Variants in ZNF207 observed in about 807,000 individuals in gnomAD.
ZNF207 encodes BUB3-interacting and GLEBS motif-containing protein ZNF207.
ZNF207 carries 24 observed loss-of-function variants against 60.2 expected under a neutral mutation model. The observed-to-expected ratio is 0.40, with a 90% confidence interval of 0.29 to 0.56. The LOEUF is 0.56. ZNF207 is among the 20% of genes least tolerant of loss of function. The pLI, the probability that ZNF207 is intolerant of heterozygous loss-of-function variation, is 0.49. For missense variants in ZNF207, 452 were observed against 636.6 expected (o/e 0.71, Z 3.12); for synonymous variants, 236 against 194.7 (o/e 1.21, Z -1.77).
At position 32,367,271 on chromosome 17, in the gene ZNF207, AT is replaced by A. The variant is rs1567824998; in HGVS notation, c.922-500del. Among the ~76,000 whole-genome samples the A allele has an allele frequency of 2.8e-3, 247 of 87,744 alleles. 6 individuals are homozygous for A. Among genetic ancestry groups the A allele is most frequent in the African/African-American group, 6.6e-3 (199 of 30,020 alleles). The allele number at this position is 87,744 out of a possible 152,430, so 57.6% of individuals were successfully genotyped here. A position where few individuals can be genotyped will look rare whatever the true frequency, so the allele number is the denominator to read the frequency against. On this transcript the variant is annotated intron_variant, in intron 9 of 11. Transcript: ENST00000394670. The stretch of plus-strand genomic sequence containing the variant: ...TATATATATATATATATATATATAT[AT>A]ATATATATATATAAAGAATACTACT...
At chr17:32,360,548 T>G in intron 3 of ZNF207, 50 bp from the exon 4 acceptor site, 1 of 1,511,072 alleles carries the variant, frequency 6.6e-7, no homozygotes, top group Non-Finnish European at 8.9e-7. Context: ...ATGTTGTAAA[T>G]AAACTTTCTT....
chr17:32,363,495 A>G (rs1419537509), intron 7 of ZNF207, among the ~76,000 whole-genome samples: 3 of 142,454 alleles, frequency 2.1e-5, no homozygotes, highest in South Asian at 4.4e-4. Flanking sequence ...TTTGTTAGGA[A>G]TGTTTTAGAC....
intron 7 of ZNF207, among the ~76,000 whole-genome samples, chr17:32,364,780 C>A (rs115297365): frequency 6.6e-6 from 1 of 152,252 alleles, no homozygotes; most frequent in African/African-American, 2.4e-5. Context: ...AATTGCCAGG[C>A]AGTTCCATAT....
rs1351941451 is a variant in ZNF207, at chr17:32,374,976, G to A, written c.*5217G>A. 6.6e-6 allele frequency: 1 copy of A among 152,174 alleles called. No individual in the cohort carries two copies. Among genetic ancestry groups the A allele is most frequent in the African/African-American group, 2.4e-5 (1 of 41,440 alleles). 9.4% of individuals were successfully genotyped at this position (152,174 alleles called of 1,614,324 possible). ...GTGTTTGTTGTAGGGAATAATTAGG[G>A]AATTGGAAGAGAGGCCAAAAACAAA... On this transcript the variant is annotated 3_prime_UTR_variant, in exon 12 of 12. Coordinates refer to ENST00000394670, the MANE Select transcript of ZNF207 (RefSeq NM_001098507.2).
At chr17:32,352,148 T>A (rs978998091) in intron 2 of ZNF207, among the ~76,000 whole-genome samples, 2 of 152,152 alleles carry the variant, frequency 1.3e-5, no homozygotes, top group African/African-American at 4.8e-5. Flanking sequence ...TTTGTATTTT[T>A]AGTAGAGACT....
At chr17:32,352,738 C>T (rs903865603) in intron 2 of ZNF207, among the ~76,000 whole-genome samples, 3 of 152,176 alleles carry the variant, frequency 2.0e-5, no homozygotes, top group African/African-American at 4.8e-5. Flanking sequence ...CTCTGTGGCC[C>T]AGGCTGGATT....
Position 32,370,938 on chromosome 17 carries a change from A to G in ZNF207, c.*1179A>G, listed in dbSNP as rs900159533. On this transcript the variant is annotated 3_prime_UTR_variant, in exon 12 of 12. Coordinates refer to ENST00000394670, the MANE Select transcript of ZNF207 (RefSeq NM_001098507.2). ...GCAATTTTTATTATGTTCCTGGAAGATTACATTATTCATTTGAGTACCTTC... is the reference window on the plus strand; with the variant it reads ...GCAATTTTTATTATGTTCCTGGAAGGTTACATTATTCATTTGAGTACCTTC... 1 of 152,198 alleles carries G rather than the reference A, an allele frequency of 6.6e-6. No individual in the cohort carries two copies. The highest frequency in any genetic ancestry group is 2.4e-5 in the African/African-American group (1 of 41,456). 9.4% of individuals were successfully genotyped at this position (152,198 alleles called of 1,614,324 possible).
Position 32,372,385 on chromosome 17 carries a change from A to G in ZNF207, c.*2626A>G, listed in dbSNP as rs142607963. ...TCTCAGGAATTTCATGTATACGGTTATTGACAAACTGCAATAGGGTTAGTA... is the reference window on the plus strand; with the variant it reads ...TCTCAGGAATTTCATGTATACGGTTGTTGACAAACTGCAATAGGGTTAGTA... On this transcript the variant is annotated 3_prime_UTR_variant, in exon 12 of 12. Transcript: ENST00000394670. 109 of 152,312 alleles carry G rather than the reference A, an allele frequency of 7.2e-4. No homozygotes were observed. The highest frequency in any genetic ancestry group is 2.6e-3 in the African/African-American group (108 of 41,576). 9.4% of individuals were successfully genotyped at this position (152,312 alleles called of 1,614,324 possible).
At position 32,358,491 on chromosome 17, in the gene ZNF207, T is replaced by G. The variant is rs1904676054; in HGVS notation, c.169-12T>G. On this transcript the variant is annotated splice_polypyrimidine_tract_variant and intron_variant, in intron 2 of 11. Coordinates refer to ENST00000394670, the MANE Select transcript of ZNF207 (RefSeq NM_001098507.2). ...AAAAAGACTTTTATCTAATGGAAAT[T>G]GTTGTTGTTAGGTACATAAAGAAAC... 1 of 1,535,206 alleles carries G rather than the reference T, an allele frequency of 6.5e-7. No homozygotes were observed. Among genetic ancestry groups the G allele is most frequent in the Non-Finnish European group, 8.7e-7 (1 of 1,152,924 alleles).
rs1905883177 is a variant in ZNF207 at position 32,381,393 on chromosome 17, GTAAT to G, written c.*11638_*11641del. On this transcript the variant is annotated 3_prime_UTR_variant, in exon 12 of 12. Coordinates refer to ENST00000394670, the MANE Select transcript of ZNF207 (RefSeq NM_001098507.2). ...ATGTAAGTAAATGAGCTCACTAAGG[GTAAT>G]TAAATACTAGCTTTTAAAATTTAAA... 2 of 152,194 alleles carry G rather than the reference GTAAT, an allele frequency of 1.3e-5. No homozygotes were observed. Among genetic ancestry groups the G allele is most frequent in the South Asian group, 2.1e-4 (1 of 4,834 alleles). 9.4% of individuals were successfully genotyped at this position (152,194 alleles called of 1,614,324 possible). A position where few individuals can be genotyped will look rare whatever the true frequency, so the allele number is the denominator to read the frequency against.
Position 32,369,903 on chromosome 17 carries a change from T to C in ZNF207, c.*144T>C. 1.1e-6 allele frequency: 1 copy of C among 952,170 alleles called. No homozygotes were observed. The highest frequency in any genetic ancestry group is 3.2e-5 in the East Asian group (1 of 30,904). 59.0% of individuals were successfully genotyped at this position (952,170 alleles called of 1,614,324 possible). ...CACATACCAGGAACTATTGGACATT[T>C]ATTTTACATGGGAAAAATTATTTGG... On this transcript the variant is annotated 3_prime_UTR_variant, in exon 12 of 12. Transcript: ENST00000394670.
rs1905607652 is a variant in ZNF207, at chr17:32,374,511, T to G, written c.*4752T>G. On this transcript the variant is annotated 3_prime_UTR_variant, in exon 12 of 12. Transcript: ENST00000394670. ...GGATTACAGGCGTGGGCCACCGCGC[T>G]TGGCCAAAATCTGCATTCTTAATCA... 6.6e-6 allele frequency: 1 copy of G among 151,524 alleles called. No individual in the cohort carries two copies. The highest frequency in any genetic ancestry group is 2.4e-5 in the African/African-American group (1 of 41,206). The allele number at this position is 151,524 out of a possible 1,614,324, so 9.4% of individuals were successfully genotyped here. A position where few individuals can be genotyped will look rare whatever the true frequency, so the allele number is the denominator to read the frequency against.
intron 1 of ZNF207, among the ~76,000 whole-genome samples, chr17:32,350,559 T>G (rs1238625067): frequency 6.6e-6 from 1 of 152,100 alleles, no homozygotes; most frequent in Non-Finnish European, 1.5e-5. Context: ...AGGATCTTGT[T>G]CGGTGCGAAT....
rs1260493262 is a variant in ZNF207, at chr17:32,376,146, C to T, written c.*6387C>T. The T allele has an allele frequency of 6.6e-6, 1 of 151,968 alleles. No individual in the cohort carries two copies. Among genetic ancestry groups the T allele is most frequent in the Non-Finnish European group, 1.5e-5 (1 of 67,894 alleles). The allele number at this position is 151,968 out of a possible 1,614,324, so 9.4% of individuals were successfully genotyped here. A position where few individuals can be genotyped will look rare whatever the true frequency, so the allele number is the denominator to read the frequency against. On this transcript the variant is annotated 3_prime_UTR_variant, in exon 12 of 12. Coordinates refer to ENST00000394670, the MANE Select transcript of ZNF207 (RefSeq NM_001098507.2). ...GTTTTCTAAACTACTATCTTAAGCT[C>T]TTAGGCACCCTATTATGGATCTAAT...
At chr17:32,357,339 A>ATTTTTTTTTTTTTTTT (rs1405292203) in intron 2 of ZNF207, among the ~76,000 whole-genome samples, 2 of 81,932 alleles carry the variant, frequency 2.4e-5, no homozygotes, top group African/African-American at 1.2e-4. Flanking sequence ...TATTATTATT[A>ATTTTTTTTTTTTTTTT]TTATTATTAT....
rs557322218 is a variant in ZNF207 at position 32,371,766 on chromosome 17, A to G, written c.*2007A>G. 8 of 152,340 alleles carry G rather than the reference A, an allele frequency of 5.3e-5. No homozygotes were observed. Among genetic ancestry groups the G allele is most frequent in the East Asian group, 1.9e-4 (1 of 5,194 alleles). 9.4% of individuals were successfully genotyped at this position (152,340 alleles called of 1,614,324 possible). A position where few individuals can be genotyped will look rare whatever the true frequency, so the allele number is the denominator to read the frequency against. On this transcript the variant is annotated 3_prime_UTR_variant, in exon 12 of 12. Coordinates refer to ENST00000394670, the MANE Select transcript of ZNF207 (RefSeq NM_001098507.2). ...TAAAATATCTGATTATCTGGCTTCA[A>G]TGATTTTGGCTCCTGTGCTTGTGGT...
intron 10 of ZNF207, 176 bp from the exon 11 acceptor site, chr17:32,369,119 A>G: frequency 1.7e-6 from 1 of 578,272 alleles, no homozygotes; most frequent in South Asian, 3.1e-5. Flanking sequence ...GTGAAGTTTT[A>G]AGGTATCTAG....
At position 32,372,377 on chromosome 17, in the gene ZNF207, A is replaced by G. The variant is rs573087904; in HGVS notation, c.*2618A>G. On this transcript the variant is annotated 3_prime_UTR_variant, in exon 12 of 12. Coordinates refer to ENST00000394670, the MANE Select transcript of ZNF207 (RefSeq NM_001098507.2). Reference sequence around the variant, plus strand: ...TCCCAAATTCTCAGGAATTTCATGTATACGGTTATTGACAAACTGCAATAG... The same window carrying G: ...TCCCAAATTCTCAGGAATTTCATGTGTACGGTTATTGACAAACTGCAATAG... The G allele has an allele frequency of 3.3e-5, 5 of 152,326 alleles. No homozygotes were observed. Among genetic ancestry groups the G allele is most frequent in the Admixed American group, 6.5e-5 (1 of 15,300 alleles). The allele number at this position is 152,326 out of a possible 1,614,324, so 9.4% of individuals were successfully genotyped here. A position where few individuals can be genotyped will look rare whatever the true frequency, so the allele number is the denominator to read the frequency against.
At chr17:32,359,718 A>G (rs1904745709) in intron 3 of ZNF207, among the ~76,000 whole-genome samples, 1 of 152,104 alleles carries the variant, frequency 6.6e-6, no homozygotes, top group Admixed American at 6.5e-5. Flanking sequence ...AACCTAGGCA[A>G]TAGAGAATGA....
Sources: allele counts gnomAD v4.1 joint callset (sites outside exome capture counted in the v4.1 genomes callset), GRCh38; gene constraint gnomAD v4.1.1; transcripts MANE v1.5; gene names NCBI Gene and HGNC (gene_info 2026-07-23, HGNC 2026-07-21).